RBFOX1: variants seen among roughly 807,000 people sequenced by gnomAD.
The protein encoded by RBFOX1 is RNA binding fox-1 homolog 1.
A neutral mutation model predicts 57.7 loss-of-function variants in RBFOX1; 8 were observed. That is an observed-to-expected ratio of 0.14 (90% CI 0.08 to 0.25). The LOEUF (loss-of-function observed/expected upper bound fraction) is 0.25. RBFOX1 is among the 10% of genes least tolerant of loss of function. The pLI is 1.00. For missense variants in RBFOX1, 611 were observed against 548.5 expected (o/e 1.11, Z -1.14); for synonymous variants, 326 against 222.4 (o/e 1.47, Z -4.15).
At chr16:6,634,341 C>G (rs1362925592) in intron 2 of RBFOX1, among the ~76,000 whole-genome samples, 1 of 152,000 alleles carries the variant, frequency 6.6e-6, no homozygotes, top group Non-Finnish European at 1.5e-5. Flanking sequence ...GTTCATGTCC[C>G]AGATCCAACA....
chr16:7,269,756 T>G (rs1241255359), intron 4 of RBFOX1, among the ~76,000 whole-genome samples: 2 of 152,222 alleles, frequency 1.3e-5, no homozygotes, highest in Non-Finnish European at 2.9e-5. Context: ...TTTGAATATT[T>G]CCTTGGACTA....
At chr16:5,386,879 C>G (rs1273160909) in intron 1 of RBFOX1, among the ~76,000 whole-genome samples, 2 of 152,104 alleles carry the variant, frequency 1.3e-5, no homozygotes, top group Non-Finnish European at 2.9e-5. Flanking sequence ...GGCGAAACCC[C>G]ATCTCTACTA....
intron 2 of RBFOX1, among the ~76,000 whole-genome samples, chr16:6,532,894 A>G (rs1302746726): frequency 2.0e-5 from 3 of 152,212 alleles, no homozygotes; most frequent in Admixed American, 1.3e-4. Flanking sequence ...CTTGAGTGCC[A>G]GTGTCACCAA....
intron 3 of RBFOX1, among the ~76,000 whole-genome samples, chr16:5,661,737 C>A (rs2049658699): frequency 6.6e-6 from 1 of 152,190 alleles, no homozygotes; most frequent in South Asian, 2.1e-4. Flanking sequence ...AACACAACAG[C>A]ATTTTTAACT....
At chr16:6,197,646 T>A (rs1286321648) in intron 1 of RBFOX1, among the ~76,000 whole-genome samples, 1 of 151,788 alleles carries the variant, frequency 6.6e-6, no homozygotes, top group Middle Eastern at 3.2e-3. Context: ...TTTTTTTTTT[T>A]AATTTTTATT....
intron 4 of RBFOX1, among the ~76,000 whole-genome samples, chr16:7,410,885 G>A (rs1445720678): frequency 6.6e-6 from 1 of 150,928 alleles, no homozygotes; most frequent in East Asian, 2.0e-4. Context: ...CCCTAATTGT[G>A]GGGAGTACTA....
chr16:7,216,017 C>T (rs981720227), intron 4 of RBFOX1, among the ~76,000 whole-genome samples: 1 of 152,096 alleles, frequency 6.6e-6, no homozygotes, highest in Non-Finnish European at 1.5e-5. Flanking sequence ...GCCACCGCGC[C>T]CAGCCTGGAT....
At chr16:5,766,940 C>T (rs1347945043) in intron 3 of RBFOX1, among the ~76,000 whole-genome samples, 2 of 152,202 alleles carry the variant, frequency 1.3e-5, no homozygotes, top group African/African-American at 2.4e-5. Context: ...CTACTTCTTG[C>T]AAATAATGAG....
At chr16:7,364,695 T>C (rs2097403867) in intron 4 of RBFOX1, among the ~76,000 whole-genome samples, 1 of 152,150 alleles carries the variant, frequency 6.6e-6, no homozygotes, top group Non-Finnish European at 1.5e-5. Flanking sequence ...AGTCACTTTT[T>C]CTATCATCAG....
chr16:6,278,511 G>A (rs1170298876), intron 1 of RBFOX1, among the ~76,000 whole-genome samples: 1 of 150,784 alleles, frequency 6.6e-6, no homozygotes, highest in East Asian at 2.0e-4. Flanking sequence ...TTCAGAATTG[G>A]TGAATCTAAG....
At chr16:7,573,199 T>G (rs763878244) in intron 5 of RBFOX1, among the ~76,000 whole-genome samples, 1 of 151,958 alleles carries the variant, frequency 6.6e-6, no homozygotes, top group Non-Finnish European at 1.5e-5. Flanking sequence ...GGAAAGAGTC[T>G]TCCAGGCAAA....
At chr16:6,834,163 TC>T (rs1220805848) in intron 3 of RBFOX1, among the ~76,000 whole-genome samples, 2 of 152,006 alleles carry the variant, frequency 1.3e-5, no homozygotes, top group African/African-American at 4.8e-5. Flanking sequence ...AACCTCCGCC[TC>T]CCCAGTTCAA....
intron 4 of RBFOX1, among the ~76,000 whole-genome samples, chr16:7,107,574 T>C (rs991823325): frequency 6.6e-5 from 10 of 152,250 alleles, no homozygotes; most frequent in African/African-American, 2.4e-4. Flanking sequence ...ATCAAGGTAG[T>C]GAACATCTGT....
At chr16:7,596,172 GTT>G (rs1267738626) in intron 8 of RBFOX1, among the ~76,000 whole-genome samples, 2 of 115,456 alleles carry the variant, frequency 1.7e-5, no homozygotes, top group Admixed American at 8.8e-5. Flanking sequence ...TAAACCTCTC[GTT>G]TTTTTTTTTT....
At chr16:5,899,871 C>T (rs755354400) in intron 4 of RBFOX1, among the ~76,000 whole-genome samples, 7 of 152,100 alleles carry the variant, frequency 4.6e-5, no homozygotes, top group East Asian at 3.9e-4. Flanking sequence ...CCCAGGAGTT[C>T]GAGACTAGCC....
At chr16:6,911,028 C>T (rs909621147) in intron 3 of RBFOX1, among the ~76,000 whole-genome samples, 3 of 151,892 alleles carry the variant, frequency 2.0e-5, no homozygotes, top group African/African-American at 4.8e-5. Context: ...TGGTGAAACC[C>T]CGTCTCTACC....
intron 3 of RBFOX1, among the ~76,000 whole-genome samples, chr16:6,855,161 C>G (rs913980368): frequency 2.6e-5 from 4 of 151,972 alleles, no homozygotes; most frequent in African/African-American, 9.7e-5. Flanking sequence ...TGTAGCTATA[C>G]GTGTTCTGGT....
rs1044175804 is a variant in RBFOX1 at position 6,842,721 on chromosome 16, G to A, written c.-16+188071G>A. On this transcript the variant is annotated intron_variant, in intron 3 of 15. Coordinates refer to ENST00000550418, the MANE Select transcript of RBFOX1 (RefSeq NM_018723.4). ...TAGAATGTGCAGGTTTGTTACATAG[G>A]TATACATGTGCCATGGTGGTTTGCT... Among the ~76,000 whole-genome samples the A allele has an allele frequency of 2.0e-5, 3 of 150,342 alleles. 1 individual carries two copies. Among genetic ancestry groups the A allele is most frequent in the Admixed American group, 2.0e-4 (3 of 15,058 alleles).
intron 3 of RBFOX1, among the ~76,000 whole-genome samples, chr16:5,625,036 T>C (rs1295141884): frequency 2.0e-5 from 3 of 152,216 alleles, no homozygotes; most frequent in Non-Finnish European, 2.9e-5. Context: ...TCACCCTCCA[T>C]AGGCGGCTCT....
Sources: allele counts gnomAD v4.1 joint callset (sites outside exome capture counted in the v4.1 genomes callset), GRCh38; gene constraint gnomAD v4.1.1; transcripts MANE v1.5; gene names NCBI Gene and HGNC (gene_info 2026-07-23, HGNC 2026-07-21).